PPP1R16A: variants seen among roughly 807,000 people sequenced by gnomAD.
PPP1R16A encodes myosin phosphatase-targeting subunit 3.
In PPP1R16A, 39 loss-of-function variants were observed where a neutral mutation model predicts 46.6. The ratio of observed to expected loss-of-function variants is 0.84; its 90% confidence interval spans 0.65 to 1.09. The LOEUF (loss-of-function observed/expected upper bound fraction) is 1.09. PPP1R16A is among the 50% of genes least tolerant of loss of function. The pLI, the probability that PPP1R16A is intolerant of heterozygous loss-of-function variation, is 0.00. For missense variants in PPP1R16A, 798 were observed against 735.6 expected, an observed-to-expected ratio of 1.08 and a Z score of -0.98; for synonymous variants, 413 against 321.5, an observed-to-expected ratio of 1.28 and a Z score of -3.04.
At chr8:144,498,636 C>T in intron 3 of PPP1R16A, 134 bp from the exon 4 acceptor site, 2 of 845,824 alleles carry the variant, frequency 2.4e-6, no homozygotes, top group Admixed American at 2.9e-5. Flanking sequence ...CTGCCCCCAC[C>T]CCTGGGCTCT....
In PPP1R16A at chr8:144,482,269, C is replaced by G. The variant is rs373044423; in HGVS notation, c.-914+4142C>G. On this transcript the variant is annotated intron_variant, in intron 1 of 11. Transcript: ENST00000435887. The stretch of plus-strand genomic sequence containing the variant: ...TGTATTTTTAGTAGAGACGGGGTTT[C>G]TCCATGTTGGCCAGACTACCTGAAG... 4.7e-4 allele frequency among the ~76,000 whole-genome samples: 71 copies of G among 152,194 alleles called. No homozygotes were observed. The South Asian group carries it at 0.014, about 30-fold the overall frequency.
intron 5 of PPP1R16A, 73 bp downstream of exon 5, chr8:144,499,134 C>T: frequency 6.7e-7 from 1 of 1,495,270 alleles, no homozygotes; most frequent in African/African-American, 1.4e-5. Context: ...TCCTCTTGGG[C>T]AGTATCTGTG....
rs757853029 is a variant in PPP1R16A, at chr8:144,501,742, C to A, written c.1426C>A (p.Pro476Thr). ...AKLQRPPPEGPESPETAEPGL... is the reference protein window; with the variant it reads ...AKLQRPPPEGTESPETAEPGL... ...GCTGCAGCGACCCCCACCTGAGGGGCCCGAGAGCCCTGAGACAGCTGAGCC... is the reference window on the plus strand; with the variant it reads ...GCTGCAGCGACCCCCACCTGAGGGGACCGAGAGCCCTGAGACAGCTGAGCC... The change falls in exon 12 of 12, where the codon CCC becomes ACC. Residue 476 changes from proline (P) to threonine (T), a missense_variant. Physicochemically the swap from Pro to Thr is conservative, Grantham distance 38. Coordinates refer to ENST00000435887, the MANE Select transcript of PPP1R16A (RefSeq NM_001329443.2). 2 of 1,576,826 alleles carry A rather than the reference C, an allele frequency of 1.3e-6. No homozygotes were observed. Among genetic ancestry groups the A allele is most frequent in the Non-Finnish European group, 1.7e-6 (2 of 1,162,384 alleles).
At chr8:144,486,721 A>AT (rs964522221) in intron 1 of PPP1R16A, among the ~76,000 whole-genome samples, 2 of 151,714 alleles carry the variant, frequency 1.3e-5, no homozygotes, top group African/African-American at 4.9e-5. Context: ...TTTACTGCTG[A>AT]TTTTTTGAGA....
At chr8:144,484,298 C>T (rs1270766458) in intron 1 of PPP1R16A, among the ~76,000 whole-genome samples, 1 of 152,240 alleles carries the variant, frequency 6.6e-6, no homozygotes, top group Non-Finnish European at 1.5e-5. Context: ...ATTTTGGTTT[C>T]CTCACCATTG....
intron 3 of PPP1R16A, chr8:144,497,679 C>T (rs1195550233): frequency 1.5e-6 from 1 of 678,144 alleles, no homozygotes; most frequent in Non-Finnish European, 2.7e-6. Context: ...AGCCGTCCTT[C>T]AGGCGGGGGC....
intron 1 of PPP1R16A, among the ~76,000 whole-genome samples, chr8:144,480,455 C>T (rs546746218): frequency 1.3e-5 from 2 of 152,284 alleles, no homozygotes; most frequent in South Asian, 2.1e-4. Context: ...GCTGGGATTA[C>T]AGGCACATGC....
chr8:144,483,071 C>A (rs534217568), intron 1 of PPP1R16A, among the ~76,000 whole-genome samples: 2 of 152,172 alleles, frequency 1.3e-5, no homozygotes, highest in African/African-American at 4.8e-5. Flanking sequence ...TGTGAGCCAC[C>A]GCGCCCGGCC....
chr8:144,500,236 T>A, intron 6 of PPP1R16A, 31 bp from the exon 7 acceptor site: 1 of 1,577,316 alleles, frequency 6.3e-7, no homozygotes, highest in Non-Finnish European at 8.6e-7. Context: ...GGGCTGCCGG[T>A]CGCGCTCCCT....
At chr8:144,482,901 C>T (rs961902457) in intron 1 of PPP1R16A, among the ~76,000 whole-genome samples, 1 of 152,158 alleles carries the variant, frequency 6.6e-6, no homozygotes, top group Non-Finnish European at 1.5e-5. Flanking sequence ...CCGCCTCAGC[C>T]TCCCAAAGTG....
rs1826548698 is a variant in PPP1R16A, at chr8:144,502,039, C to T, written c.*136C>T. On this transcript the variant is annotated 3_prime_UTR_variant, in exon 12 of 12. Coordinates refer to ENST00000435887, the MANE Select transcript of PPP1R16A (RefSeq NM_001329443.2). ...TACAGGACACTGGCCCCTCTCAGGT[C>T]AGAAGACATGCCTGGAGGGATGTCT... The T allele has an allele frequency of 1.2e-6, 1 of 836,080 alleles. No homozygotes were observed. The highest frequency in any genetic ancestry group is 1.7e-5 in the African/African-American group (1 of 57,918). The allele number at this position is 836,080 out of a possible 1,614,324, so 51.8% of individuals were successfully genotyped here. A position where few individuals can be genotyped will look rare whatever the true frequency, so the allele number is the denominator to read the frequency against.
rs1164209196 is a variant in PPP1R16A at position 144,493,759 on chromosome 8, G to A, written c.-734-2702G>A. Among the ~76,000 whole-genome samples the A allele has an allele frequency of 1.3e-5, 2 of 152,172 alleles. No homozygotes were observed. Among genetic ancestry groups the A allele is most frequent in the Admixed American group, 1.3e-4 (2 of 15,282 alleles). ...ACTTTGGGTACCTCGTTTTCTCTTA[G>A]AGGAGGCAGTTGGACCCTCGAGCAG... On this transcript the variant is annotated intron_variant, in intron 2 of 11. Coordinates refer to ENST00000435887, the MANE Select transcript of PPP1R16A (RefSeq NM_001329443.2). This position sits in a 1 kb window ranked among gnomAD's most constrained non-coding sequence, Gnocchi z 4.3.
chr8:144,478,542 C>T (rs1020797908), intron 1 of PPP1R16A: 2 of 169,594 alleles, frequency 1.2e-5, no homozygotes, highest in African/African-American at 4.7e-5. Flanking sequence ...TTCTCCGCAG[C>T]CCGTCGGTCA....
chr8:144,501,493 T>G, intron 11 of PPP1R16A, 27 bp from the exon 12 acceptor site: 2 of 1,507,654 alleles, frequency 1.3e-6, no homozygotes, highest in African/African-American at 2.8e-5. Context: ...AGCCTCCTGA[T>G]GGCTCTGGGA....
At chr8:144,488,192 G>A (rs1292437139) in intron 1 of PPP1R16A, among the ~76,000 whole-genome samples, 3 of 151,902 alleles carry the variant, frequency 2.0e-5, no homozygotes, top group African/African-American at 7.3e-5. Flanking sequence ...ATATGCTTTG[G>A]GAGGGCAGGA....
intron 1 of PPP1R16A, among the ~76,000 whole-genome samples, chr8:144,485,640 G>A (rs1181826808): frequency 6.6e-6 from 1 of 152,210 alleles, no homozygotes; most frequent in Non-Finnish European, 1.5e-5. Context: ...TGTCAATGGA[G>A]TACAGCAGTT....
In PPP1R16A at chr8:144,502,088, T is replaced by G; in HGVS notation, c.*185T>G. On this transcript the variant is annotated 3_prime_UTR_variant, in exon 12 of 12. Transcript: ENST00000435887. Reference sequence around the variant, plus strand: ...CTGGCTGCAAAGACTATTTTTATCCTGCAACTCTTGATAAAGGGCTGTTTT... The same window carrying G: ...CTGGCTGCAAAGACTATTTTTATCCGGCAACTCTTGATAAAGGGCTGTTTT... The G allele has an allele frequency of 1.7e-6, 1 of 580,664 alleles. No individual in the cohort carries two copies. Among genetic ancestry groups the G allele is most frequent in the Non-Finnish European group, 2.9e-6 (1 of 345,196 alleles). 36.0% of individuals were successfully genotyped at this position (580,664 alleles called of 1,614,324 possible). A position where few individuals can be genotyped will look rare whatever the true frequency, so the allele number is the denominator to read the frequency against.
intron 3 of PPP1R16A, chr8:144,497,909 C>T: frequency 5.1e-6 from 2 of 389,578 alleles, no homozygotes; most frequent in Non-Finnish European, 1.0e-5. Flanking sequence ...TGGGCAGGCA[C>T]AGAGCTATGC....
At position 144,493,562 on chromosome 8, in the gene PPP1R16A, C is replaced by T. The variant is rs902575072; in HGVS notation, c.-734-2899C>T. ...AGCCAAGGTTCAGGTAGGAGGGAGG[C>T]AGTCTTTCCTTCTGGAGCCCTCAGC... is the stretch of plus-strand genomic sequence containing the variant. On this transcript the variant is annotated intron_variant, in intron 2 of 11. Transcript: ENST00000435887. The surrounding 1 kb of genome is among the most constrained non-coding windows in gnomAD (Gnocchi z 4.3). 2.6e-5 allele frequency among the ~76,000 whole-genome samples: 4 copies of T among 152,174 alleles called. No homozygotes were observed. Among genetic ancestry groups the T allele is most frequent in the Non-Finnish European group, 5.9e-5 (4 of 68,012 alleles).
Sources: gnomAD v4.1 joint callset for allele counts (sites outside exome capture counted in the v4.1 genomes callset) on GRCh38, gnomAD v4.1.1 for gene constraint, Gnocchi (gnomAD v3.1) non-coding constraint, MANE v1.5 for transcripts, NCBI Gene and HGNC (gene_info 2026-07-23, HGNC 2026-07-21) for gene names.